NFXL1: variants seen among roughly 807,000 people sequenced by gnomAD.
NFXL1 encodes NF-X1-type zinc finger protein NFXL1.
Under a neutral mutation model 123.3 loss-of-function variants are expected in NFXL1, and 66 were observed. The ratio of observed to expected loss-of-function variants is 0.54; its 90% CI spans 0.44 to 0.66. The LOEUF (loss-of-function observed/expected upper bound fraction) is 0.66. Ranked by LOEUF, NFXL1 falls within the 30% of genes least tolerant of loss-of-function variation. NFXL1 has a pLI of 0.00. For synonymous variants in NFXL1, 346 were observed against 360.8 expected, an observed-to-expected ratio of 0.96 and a Z score of 0.46; for missense variants, 944 against 1,125.6, an observed-to-expected ratio of 0.84 and a Z score of 2.31.
chr4:47,895,455 A>G (rs1737030127), intron 10 of NFXL1, among the ~76,000 whole-genome samples: 1 of 152,204 alleles, frequency 6.6e-6, no homozygotes, highest in Admixed American at 6.5e-5. Flanking sequence ...TACCTTAGCT[A>G]GATCATCTGG....
chr4:47,862,888 T>C lies in NFXL1; in HGVS notation c.2274A>G (p.Glu758=). 1.3e-6 allele frequency: 2 copies of C among 1,581,340 alleles called. No individual in the cohort carries two copies. The highest frequency in any genetic ancestry group is 1.7e-6 in the Non-Finnish European group (2 of 1,167,360). ...CRKITTADVN[E]KNLLSCCKNQ... ...TTTTGCAACAACTGAGGAGGTTCTT[T>C]TCATTTACATCAGCTGTGGTTATTT... Residue 758 remains glutamate (E), a synonymous_variant, in exon 19 of 23, where the codon GAA becomes GAG. Transcript: ENST00000507489.
chr4:47,888,688 C>G (rs1736597448), intron 12 of NFXL1, among the ~76,000 whole-genome samples: 1 of 150,732 alleles, frequency 6.6e-6, no homozygotes, highest in Admixed American at 6.6e-5. Flanking sequence ...ATGCAATCTG[C>G]AAAACTCAGA....
chr4:47,914,310 G>T (rs1738003979), intron 1 of NFXL1, 55 bp downstream of exon 1: 1 of 913,618 alleles, frequency 1.1e-6, no homozygotes, highest in Non-Finnish European at 1.6e-6. Context: ...GCCGAGTGAG[G>T]AAGGTTCCTG....
chr4:47,856,248 T>G (rs1734404853), intron 19 of NFXL1, among the ~76,000 whole-genome samples: 1 of 151,950 alleles, frequency 6.6e-6, no homozygotes, highest in Non-Finnish European at 1.5e-5. Context: ...TGTAAAAGAG[T>G]ATTAGTACTT....
Position 47,867,206 on chromosome 4 carries a change from T to C in NFXL1, c.2247-4291A>G, listed in dbSNP as rs191748206. Among the ~76,000 whole-genome samples the C allele has an allele frequency of 6.0e-5, 9 of 150,678 alleles. No individual in the cohort carries two copies. The East Asian group carries it at 1.8e-3, about 29-fold the overall frequency. On this transcript the variant is annotated intron_variant, in intron 18 of 22. Coordinates refer to ENST00000507489, the MANE Select transcript of NFXL1 (RefSeq NM_001278624.2). ...AGAAAAGCAAAACCTAAGAACATAA[T>C]GGAGAAGAAATGAACAAAGGTTGAT...
chr4:47,855,408 C>T (rs888425896), intron 19 of NFXL1, among the ~76,000 whole-genome samples: 1 of 151,592 alleles, frequency 6.6e-6, no homozygotes, highest in Non-Finnish European at 1.5e-5. Flanking sequence ...TCCAACAGTA[C>T]ATCTTACAGC....
At chr4:47,872,012 G>A (rs1181175850) in intron 18 of NFXL1, among the ~76,000 whole-genome samples, 2 of 152,096 alleles carry the variant, frequency 1.3e-5, no homozygotes, top group African/African-American at 2.4e-5. Context: ...TTAAATAAAA[G>A]GGAAATTTTT....
At chr4:47,867,949 A>G (rs977792809) in intron 18 of NFXL1, among the ~76,000 whole-genome samples, 7 of 152,372 alleles carry the variant, frequency 4.6e-5, no homozygotes, top group African/African-American at 1.7e-4. Flanking sequence ...TAGAGGATGC[A>G]CTTCATTCAA....
In NFXL1 at chr4:47,903,245, C is replaced by T. The variant is rs143553691; in HGVS notation, c.595G>A (p.Val199Ile). 9.2e-5 allele frequency: 147 copies of T among 1,600,608 alleles called. No individual in the cohort carries two copies. Among genetic ancestry groups the T allele is most frequent in the Non-Finnish European group, 1.2e-4 (143 of 1,173,478 alleles). The change falls in exon 5 of 23, where the codon GTA (valine) becomes ATA (isoleucine). Residue 199 changes from valine (V) to isoleucine (I), a missense_variant. Physicochemically the swap from Val to Ile is conservative, Grantham distance 29. Around this residue, in one of 4 missense-constraint regions of NFXL1, gnomAD observed 303 missense variants for 292.1 expected, o/e 1.04. Transcript: ENST00000507489. Reference protein sequence around the residue: ...QKWAKDSQFLVSSVTDDDFGK... With the variant: ...QKWAKDSQFLISSVTDDDFGK... ...AAATCATCATCAGTCACAGAAGATA[C>T]AAGAAACTGGCTGTCTTTAGCCCAC...
At chr4:47,913,787 G>A (rs1737962436) in intron 2 of NFXL1, among the ~76,000 whole-genome samples, 182 bp downstream of exon 2, 1 of 152,224 alleles carries the variant, frequency 6.6e-6, no homozygotes, top group Non-Finnish European at 1.5e-5. Context: ...GAGGTGCGAT[G>A]GAAATCTACC....
intron 22 of NFXL1, among the ~76,000 whole-genome samples, chr4:47,848,855 C>T (rs536183406): frequency 1.5e-3 from 231 of 152,180 alleles, no homozygotes; most frequent in Non-Finnish European, 2.7e-3. Context: ...CGCCACTGTA[C>T]TCCAGCCTGG....
At chr4:47,894,103 C>T (rs1736935746) in intron 11 of NFXL1, 77 bp downstream of exon 11, 1 of 1,042,534 alleles carries the variant, frequency 9.6e-7, no homozygotes, top group African/African-American at 1.6e-5. Flanking sequence ...CAATTCAAGA[C>T]AGCACTTATT....
intron 2 of NFXL1, 140 bp downstream of exon 2, chr4:47,913,829 G>T: frequency 1.8e-6 from 1 of 553,854 alleles, no homozygotes; most frequent in African/African-American, 1.9e-5. Context: ...CACCCGAAAG[G>T]CTGGAGAAGT....
chr4:47,913,586 T>G (rs1183226199), intron 2 of NFXL1, among the ~76,000 whole-genome samples: 2 of 152,216 alleles, frequency 1.3e-5, no homozygotes, highest in Non-Finnish European at 2.9e-5. Context: ...CACAAGGTTG[T>G]TAACCAGATT....
chr4:47,893,466 C>T (rs531042331), intron 11 of NFXL1, among the ~76,000 whole-genome samples: 9 of 152,096 alleles, frequency 5.9e-5, no homozygotes, highest in African/African-American at 1.9e-4. Context: ...AAAAGAGAAA[C>T]AATCAGTACA....
At chr4:47,866,117 T>A (rs977455730) in intron 18 of NFXL1, among the ~76,000 whole-genome samples, 2 of 151,858 alleles carry the variant, frequency 1.3e-5, no homozygotes, top group African/African-American at 4.8e-5. Context: ...AAAGGCAGAC[T>A]TTAGACTTCA....
chr4:47,860,780 T>C lies in NFXL1; in HGVS notation c.2316+2066A>G, dbSNP rs551578593. Among the ~76,000 whole-genome samples, 13 of 152,280 alleles carry C rather than the reference T, an allele frequency of 8.5e-5. No homozygotes were observed. The South Asian group carries it at 1.7e-3, about 19-fold the overall frequency. ...CCAACAGTATCACTATTGCTTACTA[T>C]TTAATAGAAATGCAAAATGTAGGCC... On this transcript the variant is annotated intron_variant, in intron 19 of 22. Transcript: ENST00000507489.
Position 47,899,050 on chromosome 4 carries a change from A to G in NFXL1, c.897T>C (p.Arg299=), listed in dbSNP as rs764837173. 1 of 1,612,858 alleles carries G rather than the reference A, an allele frequency of 6.2e-7. No homozygotes were observed. The highest frequency in any genetic ancestry group is 1.3e-5 in the African/African-American group (1 of 74,616). The change falls in exon 7 of 23, where the codon CGT becomes CGC. Residue 299 remains arginine (R), a synonymous_variant. Transcript: ENST00000507489. The stretch of plus-strand genomic sequence containing the variant: ...AAGACCATTCCTTGGCACTGCACCT[A>G]CGAGGGATAGGTTTTGCTTTCTTAC... ...CYCKKAKPIP[R]RCSAKEWSCQ... is the part of the protein sequence containing the mutation.
chr4:47,876,230 C>G (rs1735745373), intron 17 of NFXL1, among the ~76,000 whole-genome samples: 1 of 152,062 alleles, frequency 6.6e-6, no homozygotes, highest in Non-Finnish European at 1.5e-5. Context: ...ATGAGATAGG[C>G]TCCTGGAACT....
Sources: gnomAD v4.1 joint callset for allele counts (sites outside exome capture counted in the v4.1 genomes callset) on GRCh38, gnomAD v4.1.1 for gene constraint, gnomAD v4.1.1 regional missense constraint, MANE v1.5 for transcripts, NCBI Gene and HGNC (gene_info 2026-07-23, HGNC 2026-07-21) for gene names.